CSMD1: variants seen among roughly 807,000 people sequenced by gnomAD.
CSMD1 encodes the protein CUB and sushi domain-containing protein 1.
CSMD1 carries 213 observed loss-of-function variants against 417.5 expected under a neutral mutation model. The ratio of observed to expected loss-of-function variants is 0.51; its 90% CI spans 0.46 to 0.57. CSMD1 has a LOEUF of 0.57. Ranked by LOEUF, CSMD1 falls within the 20% of genes least tolerant of loss-of-function variation. CSMD1 has a pLI of 0.00. For missense variants in CSMD1, 6,923 were observed against 4,529.7 expected, an observed-to-expected ratio of 1.53 and a Z score of -15.17; for synonymous variants, 2,862 against 1,736.8, an observed-to-expected ratio of 1.65 and a Z score of -16.11.
chr8:3,011,479 G>A (rs1808377489), intron 52 of CSMD1, among the ~76,000 whole-genome samples: 1 of 152,112 alleles, frequency 6.6e-6, no homozygotes, highest in Non-Finnish European at 1.5e-5. Context: ...TAAGAACTAT[G>A]AATAACTACA....
At chr8:4,267,734 C>T (rs1203956841) in intron 3 of CSMD1, among the ~76,000 whole-genome samples, 1 of 152,162 alleles carries the variant, frequency 6.6e-6, no homozygotes, top group East Asian at 1.9e-4. Context: ...TGAAGATATT[C>T]CAAATTGTAA....
At chr8:4,153,238 T>A (rs1418637126) in intron 3 of CSMD1, among the ~76,000 whole-genome samples, 1 of 151,982 alleles carries the variant, frequency 6.6e-6, no homozygotes, top group East Asian at 1.9e-4. Context: ...AGCTGGAGAG[T>A]ATGCCAGAAA....
rs10088786 is a variant in CSMD1, at chr8:4,115,482, G to T, written c.416-83383C>A. Among the ~76,000 whole-genome samples the T allele has an allele frequency of 5.9e-5, 9 of 152,346 alleles. No individual in the cohort carries two copies. In the East Asian group the frequency reaches 1.7e-3, roughly 29 times the overall value. On this transcript the variant is annotated intron_variant, in intron 3 of 69. Transcript: ENST00000635120. Reference sequence around the variant, plus strand: ...TGTTTTTATATATAATGCTTTAGACGTATTTTTTTACAACTAAAAATTATC... The same window carrying T: ...TGTTTTTATATATAATGCTTTAGACTTATTTTTTTACAACTAAAAATTATC...
intron 37 of CSMD1, among the ~76,000 whole-genome samples, chr8:3,166,413 A>G (rs1395727406): frequency 2.0e-5 from 3 of 152,152 alleles, no homozygotes; most frequent in Admixed American, 6.5e-5. Flanking sequence ...GTGCACCTGT[A>G]GTCCCACCTA....
intron 5 of CSMD1, among the ~76,000 whole-genome samples, chr8:3,865,561 G>A (rs60435503): frequency 6.6e-6 from 1 of 152,080 alleles, no homozygotes; most frequent in Non-Finnish European, 1.5e-5. Flanking sequence ...GGCACGTACA[G>A]TGGGAAGCCG....
intron 10 of CSMD1, among the ~76,000 whole-genome samples, chr8:3,551,284 C>T (rs549975510): frequency 1.2e-4 from 19 of 152,272 alleles, no homozygotes; most frequent in African/African-American, 4.1e-4. Flanking sequence ...TTCTGTACTA[C>T]AGGACTGTCA....
Position 3,247,964 on chromosome 8 carries a change from G to A in CSMD1, c.4154-17733C>T, listed in dbSNP as rs115946884. ...CTCAACCCCATTACAACCACCTCCCGAAATCTGCAGGTCGCCAATTGTTTA... is the reference window on the plus strand; with the variant it reads ...CTCAACCCCATTACAACCACCTCCCAAAATCTGCAGGTCGCCAATTGTTTA... On this transcript the variant is annotated intron_variant, in intron 26 of 69. Transcript: ENST00000635120. 9.3e-3 allele frequency among the ~76,000 whole-genome samples: 1,415 copies of A among 152,180 alleles called. 20 individuals carry two copies. Among genetic ancestry groups the A allele is most frequent in the African/African-American group, 0.032 (1,317 of 41,506 alleles).
intron 7 of CSMD1, among the ~76,000 whole-genome samples, chr8:3,634,571 C>G (rs1218867164): frequency 6.6e-6 from 1 of 152,148 alleles, no homozygotes; most frequent in Non-Finnish European, 1.5e-5. Flanking sequence ...TTCACTGTCA[C>G]AAGCCATAGC....
At chr8:4,703,479 T>C (rs1321262727) in intron 1 of CSMD1, among the ~76,000 whole-genome samples, 1 of 152,086 alleles carries the variant, frequency 6.6e-6, no homozygotes, top group East Asian at 1.9e-4. Context: ...GGATAATTTG[T>C]AATTATTTAA....
At chr8:4,158,895 AAAAG>A (rs1403352944) in intron 3 of CSMD1, among the ~76,000 whole-genome samples, 4 of 152,148 alleles carry the variant, frequency 2.6e-5, no homozygotes, top group African/African-American at 7.2e-5. Flanking sequence ...TTTCCAGCTG[AAAAG>A]AAAGATTATC....
At chr8:3,477,040 G>C (rs1488766386) in intron 11 of CSMD1, among the ~76,000 whole-genome samples, 1 of 152,078 alleles carries the variant, frequency 6.6e-6, no homozygotes, top group Non-Finnish European at 1.5e-5. Context: ...GATTTTGCTG[G>C]TGGTTACACA....
chr8:4,241,100 C>A (rs1231599920), intron 3 of CSMD1, among the ~76,000 whole-genome samples: 2 of 152,120 alleles, frequency 1.3e-5, no homozygotes, highest in African/African-American at 4.8e-5. Context: ...TACATAGAAT[C>A]CTCTAAACCT....
At chr8:4,826,932 C>T (rs2117416627) in intron 1 of CSMD1, among the ~76,000 whole-genome samples, 1 of 152,252 alleles carries the variant, frequency 6.6e-6, no homozygotes, top group South Asian at 2.1e-4. Flanking sequence ...TGCCAGCTTA[C>T]TACTCACCCT....
At chr8:4,976,609 G>A (rs1189845230) in intron 1 of CSMD1, among the ~76,000 whole-genome samples, 2 of 152,142 alleles carry the variant, frequency 1.3e-5, no homozygotes, top group Non-Finnish European at 2.9e-5. Flanking sequence ...ACAGCTTAAA[G>A]ACAAGCACAT....
At chr8:4,197,517 G>C (rs952138857) in intron 3 of CSMD1, among the ~76,000 whole-genome samples, 5 of 152,200 alleles carry the variant, frequency 3.3e-5, no homozygotes, top group African/African-American at 7.2e-5. Context: ...GTAAGACAGA[G>C]TTCCCTTGCC....
In CSMD1 at chr8:4,253,291, C is replaced by G. The variant is rs139492420; in HGVS notation, c.415+166662G>C. On this transcript the variant is annotated intron_variant, in intron 3 of 69. Coordinates refer to ENST00000635120, the MANE Select transcript of CSMD1 (RefSeq NM_033225.6). The stretch of plus-strand genomic sequence containing the variant: ...AGACCCTGAGGCTAAATTAGACATT[C>G]TCTCTTCAATATTCATGTTTTGTCT... Among the ~76,000 whole-genome samples the G allele has an allele frequency of 8.3e-3, 1,263 of 152,254 alleles. 15 individuals are homozygous for G. The highest frequency in any genetic ancestry group is 0.01 in the Non-Finnish European group (703 of 68,030).
intron 7 of CSMD1, among the ~76,000 whole-genome samples, chr8:3,649,264 A>T (rs1047936683): frequency 5.3e-5 from 8 of 152,226 alleles, no homozygotes; most frequent in African/African-American, 1.7e-4. Context: ...CCAACCTGGA[A>T]CTTAATATTA....
chr8:4,227,753 T>TCC (rs1563304619), intron 3 of CSMD1, among the ~76,000 whole-genome samples: 1 of 150,792 alleles, frequency 6.6e-6, no homozygotes, highest in East Asian at 2.0e-4. Context: ...AGACACACCC[T>TCC]CCATCCTGCA....
chr8:3,095,999 T>C (rs1815267930), intron 47 of CSMD1, among the ~76,000 whole-genome samples: 1 of 152,184 alleles, frequency 6.6e-6, no homozygotes, highest in African/African-American at 2.4e-5. Flanking sequence ...TAGAAATCTC[T>C]GTGAGCCATG....
Sources: gnomAD v4.1 joint callset for allele counts (sites outside exome capture counted in the v4.1 genomes callset) on GRCh38, gnomAD v4.1.1 for gene constraint, MANE v1.5 for transcripts, NCBI Gene and HGNC (gene_info 2026-07-23, HGNC 2026-07-21) for gene names.